ZNF396: variants seen among roughly 807,000 people sequenced by gnomAD.
ZNF396 encodes the protein zinc finger protein 396.
ZNF396 carries 14 observed loss-of-function variants against 20.5 expected under a neutral mutation model. The ratio of observed to expected loss-of-function variants is 0.68; its 90% CI spans 0.45 to 1.07. ZNF396 has a LOEUF of 1.07. ZNF396 is among the 50% of genes least tolerant of loss of function. ZNF396 has a pLI of 0.00. For missense variants in ZNF396, 347 were observed against 390.1 expected (o/e 0.89, Z 0.93); for synonymous variants, 119 against 140.6 (o/e 0.85, Z 1.08).
intron 3 of ZNF396, 157 bp downstream of exon 3, chr18:35,373,299 A>C: frequency 1.2e-6 from 1 of 822,794 alleles, no homozygotes; most frequent in Non-Finnish European, 1.7e-6. Context: ...CAAAATACTG[A>C]AGATCTTCAT....
intron 1 of ZNF396, among the ~76,000 whole-genome samples, chr18:35,377,073 C>A (rs1227480534): frequency 2.0e-5 from 3 of 152,008 alleles, no homozygotes; most frequent in Admixed American, 1.3e-4. Flanking sequence ...CGGGGAAGGA[C>A]GAGGGGAAGG....
chr18:35,374,446 T>G lies in ZNF396; in HGVS notation c.-72-82A>C. The G allele has an allele frequency of 1.5e-6, 1 of 673,950 alleles. No homozygotes were observed. Among genetic ancestry groups the G allele is most frequent in the Non-Finnish European group, 2.4e-6 (1 of 408,308 alleles). The allele number at this position is 673,950 out of a possible 1,614,324, so 41.7% of individuals were successfully genotyped here. ...AACAAAACAACTAAGATTAGAAACATAAGACTGTATAGGAACTACTGACCT... is the reference window on the plus strand; with the variant it reads ...AACAAAACAACTAAGATTAGAAACAGAAGACTGTATAGGAACTACTGACCT... On this transcript the variant is annotated intron_variant, in intron 1 of 3. Coordinates refer to ENST00000589332, the MANE Select transcript of ZNF396 (RefSeq NM_001322286.2). The surrounding 1 kb of genome is among the most constrained non-coding windows in gnomAD (Gnocchi z 4.3).
intron 1 of ZNF396, among the ~76,000 whole-genome samples, chr18:35,375,217 G>C (rs908418113): frequency 1.3e-5 from 2 of 151,106 alleles, no homozygotes; most frequent in African/African-American, 4.9e-5. Context: ...GTGGGAGATG[G>C]GAGGATCACC....
At chr18:35,376,837 G>T (rs55859832) in intron 1 of ZNF396, among the ~76,000 whole-genome samples, 1 of 152,172 alleles carries the variant, frequency 6.6e-6, no homozygotes, top group African/African-American at 2.4e-5. Flanking sequence ...CGTCCCTGGA[G>T]GGGAGGCTTC....
chr18:35,369,886 G>A (rs1050058312), intron 3 of ZNF396, among the ~76,000 whole-genome samples: 2 of 152,126 alleles, frequency 1.3e-5, no homozygotes, highest in African/African-American at 2.4e-5. Flanking sequence ...ACAGAATAGG[G>A]AATAAGGATA....
Position 35,367,111 on chromosome 18 carries a change from A to G in ZNF396, c.*2104T>C, listed in dbSNP as rs572872521. 2.6e-5 allele frequency: 4 copies of G among 152,220 alleles called. No homozygotes were observed. Among genetic ancestry groups the G allele is most frequent in the Non-Finnish European group, 5.9e-5 (4 of 68,040 alleles). The allele number at this position is 152,220 out of a possible 1,614,324, so 9.4% of individuals were successfully genotyped here. On this transcript the variant is annotated 3_prime_UTR_variant, in exon 4 of 4. Coordinates refer to ENST00000589332, the MANE Select transcript of ZNF396 (RefSeq NM_001322286.2). ...CATCTCTGAGGCACTTGTTGTTTCA[A>G]TAGATGGTTTGTTCCTCTCCGTAAT...
At chr18:35,373,676 A>C (rs2045216344) in intron 2 of ZNF396, 76 bp from the exon 3 acceptor site, 1 of 1,556,776 alleles carries the variant, frequency 6.4e-7, no homozygotes, top group East Asian at 2.3e-5. Context: ...AGAAGAAACT[A>C]TGCAAAAAGT....
In ZNF396 at chr18:35,369,628, C is replaced by T; in HGVS notation, c.595G>A (p.Ala199Thr). The stretch of plus-strand genomic sequence containing the variant: ...CCTAAAGAAGTCTTTTGCCTTGAAG[C>T]AGATTTCACATTTGTAGTTTTGATG... ...EDIKTTNVKS[A>T]SRQKTSLGIE... Residue 199 changes from alanine to threonine, a missense_variant, in exon 4 of 4, where the codon GCT becomes ACT. Transcript: ENST00000589332. The T allele has an allele frequency of 6.2e-7, 1 of 1,603,712 alleles. No homozygotes were observed. Among genetic ancestry groups the T allele is most frequent in the African/African-American group, 1.3e-5 (1 of 74,284 alleles).
chr18:35,369,105 G>A lies in ZNF396; in HGVS notation c.*110C>T, dbSNP rs935403326. On this transcript the variant is annotated 3_prime_UTR_variant, in exon 4 of 4. Coordinates refer to ENST00000589332, the MANE Select transcript of ZNF396 (RefSeq NM_001322286.2). Reference sequence around the variant, plus strand: ...CTGTGGCTTTCATGAGTCTTGAAAGGAGACTGGTGCTTACTAAGACCACTG... The same window carrying A: ...CTGTGGCTTTCATGAGTCTTGAAAGAAGACTGGTGCTTACTAAGACCACTG... The A allele has an allele frequency of 7.0e-7, 1 of 1,438,128 alleles. No individual in the cohort carries two copies. The highest frequency in any genetic ancestry group is 3.1e-5 in the Admixed American group (1 of 32,432). The allele number at this position is 1,438,128 out of a possible 1,614,324, so 89.1% of individuals were successfully genotyped here.
rs2045127258 is a variant in ZNF396 at position 35,368,534 on chromosome 18, C to T, written c.*681G>A. 3 of 588,866 alleles carry T rather than the reference C, an allele frequency of 5.1e-6. No individual in the cohort carries two copies. The South Asian group carries it at 2.4e-4, about 46-fold the overall frequency. The allele number at this position is 588,866 out of a possible 1,614,324, so 36.5% of individuals were successfully genotyped here. A position where few individuals can be genotyped will look rare whatever the true frequency, so the allele number is the denominator to read the frequency against. ...TATTTATTTTAAAGACGGAGTCTTG[C>T]TCTGTCTGAGCGGTTCAAGCAATTT... On this transcript the variant is annotated 3_prime_UTR_variant, in exon 4 of 4. Coordinates refer to ENST00000589332, the MANE Select transcript of ZNF396 (RefSeq NM_001322286.2).
intron 3 of ZNF396, among the ~76,000 whole-genome samples, chr18:35,370,803 G>A (rs577721834): frequency 2.9e-4 from 44 of 152,086 alleles, no homozygotes; most frequent in Admixed American, 7.2e-4. Context: ...GTGAGCCACC[G>A]CGCCCGGCCC....
intron 3 of ZNF396, among the ~76,000 whole-genome samples, chr18:35,370,553 C>T (rs1388629535): frequency 4.1e-5 from 5 of 122,486 alleles, no homozygotes; most frequent in African/African-American, 1.2e-4. Flanking sequence ...CGCTCTGTCG[C>T]CCAGGCTGGA....
At chr18:35,376,967 A>ACCGCG (rs940740748) in intron 1 of ZNF396, among the ~76,000 whole-genome samples, 9 of 151,650 alleles carry the variant, frequency 5.9e-5, no homozygotes, top group Non-Finnish European at 1.0e-4. Flanking sequence ...TCCCGCGCCC[A>ACCGCG]CCGCGCCGCG....
Position 35,369,641 on chromosome 18 carries a change from T to C in ZNF396, c.582A>G (p.Thr194=). The C allele has an allele frequency of 1.2e-6, 2 of 1,600,874 alleles. No individual in the cohort carries two copies. The highest frequency in any genetic ancestry group is 1.7e-6 in the Non-Finnish European group (2 of 1,175,490). ...LRPHDEDIKT[T]NVKSASRQKT... ...TTTGCCTTGAAGCAGATTTCACATT[T>C]GTAGTTTTGATGTCTTCATCTGAAA... Residue 194 remains threonine (T), a synonymous_variant, in exon 4 of 4, where the codon ACA becomes ACG. Transcript: ENST00000589332.
intron 2 of ZNF396, 34 bp from the exon 3 acceptor site, chr18:35,373,634 C>T: frequency 6.2e-7 from 1 of 1,608,894 alleles, no homozygotes; most frequent in Non-Finnish European, 8.5e-7. Flanking sequence ...TGAAGAACAC[C>T]ATCAGGTTGG....
chr18:35,369,757 T>A (rs1206038026), intron 3 of ZNF396, 97 bp from the exon 4 acceptor site: 3 of 1,252,650 alleles, frequency 2.4e-6, no homozygotes, highest in Non-Finnish European at 3.3e-6. Context: ...CAACACACAA[T>A]GTGAAGGACG....
intron 3 of ZNF396, chr18:35,373,156 G>C (rs1214682288): frequency 5.2e-6 from 2 of 381,622 alleles, no homozygotes; most frequent in African/African-American, 4.1e-5. Flanking sequence ...TGTACCTTGG[G>C]GTCCCACAGA....
chr18:35,369,537 CTA>C lies in ZNF396; in HGVS notation c.684_685del (p.Tyr228Ter), dbSNP rs2045144244. 2.5e-6 allele frequency: 4 copies of C among 1,614,064 alleles called. No homozygotes were observed. The highest frequency in any genetic ancestry group is 2.5e-6 in the Non-Finnish European group (3 of 1,179,950). ...CCTACCATCTTGTTCATAGGTTCCT[CTA>C]TATGTGGAACTCTGGGAGCCATTCA... is the stretch of plus-strand genomic sequence containing the variant. On this transcript the variant is annotated stop_gained and frameshift_variant, in exon 4 of 4. Coordinates refer to ENST00000589332, the MANE Select transcript of ZNF396 (RefSeq NM_001322286.2). LOFTEE classifies it low-confidence loss of function (END_TRUNC).
chr18:35,375,287 C>CAA (rs386387385), intron 1 of ZNF396, among the ~76,000 whole-genome samples: 9 of 33,562 alleles, frequency 2.7e-4, no homozygotes, highest in African/African-American at 3.2e-4. Flanking sequence ...TCTACCCCAC[C>CAA]AAAAAAAAAA....
Sources: gnomAD v4.1 joint callset for allele counts (sites outside exome capture counted in the v4.1 genomes callset) on GRCh38, gnomAD v4.1.1 for gene constraint, Gnocchi (gnomAD v3.1) non-coding constraint, MANE v1.5 for transcripts, NCBI Gene and HGNC (gene_info 2026-07-23, HGNC 2026-07-21) for gene names.